PXDNL: variants seen among roughly 807,000 people sequenced by gnomAD.
The protein encoded by PXDNL is probable oxidoreductase PXDNL.
Under a neutral mutation model 150.8 loss-of-function variants are expected in PXDNL, and 145 were observed. The observed-to-expected ratio is 0.96, with a 90% CI of 0.84 to 1.10. The LOEUF is 1.10. PXDNL is among the 50% of genes least tolerant of loss of function. The pLI is 0.00. For synonymous variants in PXDNL, 757 were observed against 725.7 expected (o/e 1.04, Z -0.69); for missense variants, 2,087 against 1,873.9 (o/e 1.11, Z -2.10).
At chr8:51,563,353 G>A (rs749168408) in intron 3 of PXDNL, among the ~76,000 whole-genome samples, 1 of 151,994 alleles carries the variant, frequency 6.6e-6, no homozygotes, top group African/African-American at 2.4e-5. Context: ...CAGAGAGAGC[G>A]AGAGCAAGCC....
intron 1 of PXDNL, among the ~76,000 whole-genome samples, chr8:51,744,063 AAGGAAGGAAG>A (rs1563307093): frequency 0.025 from 1,926 of 75,738 alleles, 116 homozygotes; most frequent in Non-Finnish European, 0.035. Context: ...GGAAGGAAGG[AAGGAAGGAAG>A]GAAGGAAGGA....
chr8:51,344,107 G>A (rs1806072092), intron 20 of PXDNL, among the ~76,000 whole-genome samples: 1 of 151,874 alleles, frequency 6.6e-6, no homozygotes, highest in Non-Finnish European at 1.5e-5. Context: ...TTTTTTGTTT[G>A]TTTTTTATAG....
rs200478427 is a variant in PXDNL at position 51,444,916 on chromosome 8, T to TC, written c.1525+2087_1525+2088insG. Among the ~76,000 whole-genome samples the TC allele has an allele frequency of 2.6e-3, 396 of 151,842 alleles. 9 individuals are homozygous for TC. Among genetic ancestry groups the TC allele is most frequent in the East Asian group, 0.024 (126 of 5,148 alleles). Reference sequence around the variant, plus strand: ...GGTTAACAAATATTATTTTTCTATTTTTTTTTTCAACATGGAGTCTTGCTT... The same window carrying TC: ...GGTTAACAAATATTATTTTTCTATTTCTTTTTTTCAACATGGAGTCTTGCTT... On this transcript the variant is annotated intron_variant, in intron 12 of 22. Coordinates refer to ENST00000356297, the MANE Select transcript of PXDNL (RefSeq NM_144651.5).
intron 3 of PXDNL, among the ~76,000 whole-genome samples, chr8:51,563,540 T>G (rs933352850): frequency 3.9e-5 from 6 of 151,956 alleles, no homozygotes; most frequent in African/African-American, 1.2e-4. Flanking sequence ...TAACAGTATT[T>G]TAGATTGAAT....
At chr8:51,480,058 C>T (rs1810566832) in intron 6 of PXDNL, among the ~76,000 whole-genome samples, 1 of 152,100 alleles carries the variant, frequency 6.6e-6, no homozygotes, top group Non-Finnish European at 1.5e-5. Flanking sequence ...TGATTAAACT[C>T]AAAGATTACA....
At chr8:51,753,235 T>A (rs1242300225) in intron 1 of PXDNL, among the ~76,000 whole-genome samples, 1 of 152,212 alleles carries the variant, frequency 6.6e-6, no homozygotes, top group Admixed American at 6.5e-5. Context: ...TATAATGTGC[T>A]ATTGGCTATT....
At chr8:51,373,234 C>A (rs141869441) in intron 18 of PXDNL, among the ~76,000 whole-genome samples, 1 of 152,086 alleles carries the variant, frequency 6.6e-6, no homozygotes, top group South Asian at 2.1e-4. Flanking sequence ...AGAGGGAAGA[C>A]CACGTGAAGA....
intron 12 of PXDNL, among the ~76,000 whole-genome samples, chr8:51,434,348 C>A (rs1265924324): frequency 6.6e-6 from 1 of 152,220 alleles, no homozygotes; most frequent in Non-Finnish European, 1.5e-5. Context: ...GAGGTATCCC[C>A]TGACCTCTCT....
intron 1 of PXDNL, among the ~76,000 whole-genome samples, chr8:51,755,317 A>G (rs1324364891): frequency 6.7e-6 from 1 of 150,282 alleles, no homozygotes; most frequent in East Asian, 2.0e-4. Context: ...TTTTTGAGAC[A>G]GAGTCTCGCT....
In PXDNL at chr8:51,623,600, T is replaced by G. The variant is rs1585628317; in HGVS notation, c.237-30902A>C. 3.9e-5 allele frequency among the ~76,000 whole-genome samples: 6 copies of G among 152,320 alleles called. No individual in the cohort carries two copies. In the East Asian group the frequency reaches 1.2e-3, roughly 29 times the overall value. ...TGTTGGAGGGCTTTTTATCTTTCAC[T>G]GAGGACCATCCACAGCACCCAGCAG... On this transcript the variant is annotated intron_variant, in intron 2 of 22. Coordinates refer to ENST00000356297, the MANE Select transcript of PXDNL (RefSeq NM_144651.5).
At chr8:51,492,803 GCCCA>G (rs1450991657) in intron 5 of PXDNL, among the ~76,000 whole-genome samples, 1 of 152,186 alleles carries the variant, frequency 6.6e-6, no homozygotes, top group Non-Finnish European at 1.5e-5. Flanking sequence ...ACTGGGTGGA[GCCCA>G]CCGCAGCGTA....
chr8:51,781,784 C>T (rs1168177624), intron 1 of PXDNL, among the ~76,000 whole-genome samples: 1 of 152,176 alleles, frequency 6.6e-6, no homozygotes, highest in Non-Finnish European at 1.5e-5. Flanking sequence ...TTGATCCTTG[C>T]TATTCAATAT....
At chr8:51,608,836 C>CAAAAAAAAAAAAAA (rs59195880) in intron 2 of PXDNL, among the ~76,000 whole-genome samples, 1 of 59,594 alleles carries the variant, frequency 1.7e-5, no homozygotes, top group African/African-American at 5.7e-5. Context: ...GACTCTGTCT[C>CAAAAAAAAAAAAAA]AAAAAAAAAA....
Position 51,595,021 on chromosome 8 carries a change from G to GAACAA in PXDNL, c.237-2328_237-2324dup, listed in dbSNP as rs747420991. Among the ~76,000 whole-genome samples the GAACAA allele has an allele frequency of 1.8e-4, 27 of 151,742 alleles. No homozygotes were observed. In the South Asian group the frequency reaches 5.0e-3, roughly 28 times the overall value. ...GAACAAAACAAAACAAAAAAGAAGC[G>GAACAA]AACAAAACAAAACAAAAAAGAGGCA... is the stretch of plus-strand genomic sequence containing the variant. On this transcript the variant is annotated intron_variant, in intron 2 of 22. Transcript: ENST00000356297.
Position 51,735,545 on chromosome 8 carries a change from T to G in PXDNL, c.164+73636A>C, listed in dbSNP as rs796674583. On this transcript the variant is annotated intron_variant, in intron 1 of 22. Transcript: ENST00000356297. ...AAAATTGTTTTTTTTTTTTTTTTTT[T>G]TTTTTTTTTTTTTTTTTTTGAGACG... is the stretch of plus-strand genomic sequence containing the variant. Among the ~76,000 whole-genome samples the G allele has an allele frequency of 1.3e-4, 15 of 115,696 alleles. 1 individual carries two copies. Among genetic ancestry groups the G allele is most frequent in the Admixed American group, 7.4e-4 (9 of 12,112 alleles). The allele number at this position is 115,696 out of a possible 152,430, so 75.9% of individuals were successfully genotyped here.
intron 1 of PXDNL, among the ~76,000 whole-genome samples, chr8:51,671,153 G>C (rs1815492375): frequency 6.6e-6 from 1 of 152,144 alleles, no homozygotes; most frequent in Non-Finnish European, 1.5e-5. Flanking sequence ...TGGAAGACTT[G>C]ACTCGAAATA....
intron 2 of PXDNL, among the ~76,000 whole-genome samples, chr8:51,622,582 A>C (rs1298525642): frequency 6.6e-6 from 1 of 152,226 alleles, no homozygotes; most frequent in Non-Finnish European, 1.5e-5. Context: ...TAAGAAGCAG[A>C]AACCTAATAA....
At chr8:51,460,730 G>A (rs1200792557) in intron 8 of PXDNL, among the ~76,000 whole-genome samples, 1 of 151,916 alleles carries the variant, frequency 6.6e-6, no homozygotes, top group Non-Finnish European at 1.5e-5. Flanking sequence ...GAGATCCCAC[G>A]ACCCCCATAG....
At chr8:51,743,601 T>C (rs2036930631) in intron 1 of PXDNL, among the ~76,000 whole-genome samples, 2 of 152,034 alleles carry the variant, frequency 1.3e-5, no homozygotes, top group Non-Finnish European at 2.9e-5. Flanking sequence ...AGGCTGGTCT[T>C]GAACTCCTGA....
Sources: gnomAD v4.1 joint callset for allele counts (sites outside exome capture counted in the v4.1 genomes callset) on GRCh38, gnomAD v4.1.1 for gene constraint, MANE v1.5 for transcripts, NCBI Gene and HGNC (gene_info 2026-07-23, HGNC 2026-07-21) for gene names.